Variants in CCDC171 observed in about 807,000 individuals in gnomAD.
The protein encoded by CCDC171 is coiled-coil domain containing 171.
In CCDC171, 177 loss-of-function variants were observed where a neutral mutation model predicts 168.2. The observed-to-expected ratio is 1.05, with a 90% CI of 0.93 to 1.19. CCDC171 has a LOEUF of 1.19. Among genes scored for constraint, CCDC171 ranks in the 50% most tolerant of loss-of-function variants. The probability of loss-of-function intolerance (pLI) is 0.00; values close to 1 mark genes in which losing one functional copy is unlikely to be tolerated. For synonymous variants in CCDC171, 687 were observed against 540.8 expected (o/e 1.27, Z -3.75); for missense variants, 1,991 against 1,539.0 (o/e 1.29, Z -4.91).
chr9:15,573,705 A>T (rs1230081827), intron 3 of CCDC171, among the ~76,000 whole-genome samples: 1 of 152,198 alleles, frequency 6.6e-6, no homozygotes, highest in Non-Finnish European at 1.5e-5. Context: ...TTGTTTTTTT[A>T]AAACCAAATG....
At chr9:16,044,947 AT>A (rs1412199564) in intron 1 of CCDC171, among the ~76,000 whole-genome samples, 1 of 152,178 alleles carries the variant, frequency 6.6e-6, no homozygotes, top group South Asian at 2.1e-4. Flanking sequence ...GCTGAGATTG[AT>A]TCTGCCCAAT....
chr9:15,946,345 C>T (rs1440976558), intron 25 of CCDC171, among the ~76,000 whole-genome samples: 1 of 151,934 alleles, frequency 6.6e-6, no homozygotes, highest in Non-Finnish European at 1.5e-5. Context: ...AATCAATGTG[C>T]AAAAATCACA....
chr9:16,008,319 T>C (rs1041917078), intron 3 of CCDC171, among the ~76,000 whole-genome samples: 1 of 152,170 alleles, frequency 6.6e-6, no homozygotes, highest in Non-Finnish European at 1.5e-5. Flanking sequence ...CCTGCATTGT[T>C]TGTTAAAAAG....
At chr9:15,880,178 T>C (rs556568369) in intron 24 of CCDC171, among the ~76,000 whole-genome samples, 4 of 152,306 alleles carry the variant, frequency 2.6e-5, no homozygotes, top group African/African-American at 9.6e-5. Context: ...TTTTCATTGC[T>C]TTCTAAGTCC....
chr9:15,565,278 T>A (rs2039642746), intron 2 of CCDC171, among the ~76,000 whole-genome samples: 1 of 152,086 alleles, frequency 6.6e-6, no homozygotes, highest in Non-Finnish European at 1.5e-5. Flanking sequence ...ATTTACAAAT[T>A]AGAATATTTC....
At chr9:15,583,288 G>T (rs547365151) in intron 4 of CCDC171, among the ~76,000 whole-genome samples, 1 of 151,798 alleles carries the variant, frequency 6.6e-6, no homozygotes. Flanking sequence ...GGTGGCGCAC[G>T]CCTGTAGTCC....
intron 3 of CCDC171, among the ~76,000 whole-genome samples, chr9:15,985,166 A>G (rs1251983386): frequency 6.6e-6 from 1 of 152,194 alleles, no homozygotes; most frequent in African/African-American, 2.4e-5. Flanking sequence ...CACTGTGTAC[A>G]AAGAGGCACA....
intron 1 of CCDC171, among the ~76,000 whole-genome samples, chr9:16,055,003 G>C (rs1833814170): frequency 6.6e-6 from 1 of 152,220 alleles, no homozygotes. Context: ...TTGGGAAGCT[G>C]CTGCGGTGGC....
rs555714269 is a variant in CCDC171, at chr9:15,918,240, A to T, written c.3601-2030A>T. On this transcript the variant is annotated intron_variant, in intron 24 of 25. Coordinates refer to ENST00000380701, the MANE Select transcript of CCDC171 (RefSeq NM_173550.4). ...AATGAAATTAAGCATGTAATATGCT[A>T]CATGGTCCCTGCACTTCAGTAAATC... Among the ~76,000 whole-genome samples, 5 of 151,858 alleles carry T rather than the reference A, an allele frequency of 3.3e-5. No individual in the cohort carries two copies. The South Asian group carries it at 8.3e-4, about 25-fold the overall frequency.
the CCDC171 span, among the ~76,000 whole-genome samples, chr9:16,098,984 A>G: frequency 9.2e-5 from 14 of 152,224 alleles, no homozygotes; most frequent in Non-Finnish European, 1.0e-4. Flanking sequence ...TAGGATGGAT[A>G]TAATAAGCCC....
rs2038468559 is a variant in CCDC171, at chr9:15,553,071, C to T, written c.-343C>T. 1 of 152,468 alleles carries T rather than the reference C, an allele frequency of 6.6e-6. No homozygotes were observed. The highest frequency in any genetic ancestry group is 2.1e-4 in the South Asian group (1 of 4,836). The allele number at this position is 152,468 out of a possible 1,614,324, so 9.4% of individuals were successfully genotyped here. On this transcript the variant is annotated 5_prime_UTR_variant, in exon 1 of 26. Coordinates refer to ENST00000380701, the MANE Select transcript of CCDC171 (RefSeq NM_173550.4). ...AGTCTGGGAAGGTCTGCGAGAGAAG[C>T]GGAGTGTTTTCAGCTCCGGAAGTGG...
chr9:15,594,067 G>C lies in CCDC171; in HGVS notation c.570G>C (p.Glu190Asp). 1 of 1,592,000 alleles carries C rather than the reference G, an allele frequency of 6.3e-7. No individual in the cohort carries two copies. The highest frequency in any genetic ancestry group is 8.6e-7 in the Non-Finnish European group (1 of 1,166,718). The change falls in exon 6 of 26, where the codon GAG (glutamate) becomes GAC (aspartate). Residue 190 changes from glutamate (E) to aspartate (D), a missense_variant. Coordinates refer to ENST00000380701, the MANE Select transcript of CCDC171 (RefSeq NM_173550.4). ...AAGCGTTGGAAAAACATCAACGGGA[G>C]AAGAATGAGATGGAGTCTCATATCA... ...LQEALEKHQR[E>D]KNEMESHIRE...
In CCDC171 at chr9:15,623,464, T is replaced by TGCGCGC. The variant is rs563722301; in HGVS notation, c.822+58_822+63dup. 6.3e-5 allele frequency: 48 copies of TGCGCGC among 767,450 alleles called. 1 individual carries two copies. The highest frequency in any genetic ancestry group is 5.8e-4 in the African/African-American group (27 of 46,540). The allele number at this position is 767,450 out of a possible 1,614,324, so 47.5% of individuals were successfully genotyped here. On this transcript the variant is annotated intron_variant, in intron 7 of 25. Coordinates refer to ENST00000380701, the MANE Select transcript of CCDC171 (RefSeq NM_173550.4). ...ATATATGCGTACAAACTTTCACATA[T>TGCGCGC]GCGCGCGCGCGCACACACACACACA... is the stretch of plus-strand genomic sequence containing the variant.
At chr9:15,992,891 T>C (rs1342047646) in intron 3 of CCDC171, among the ~76,000 whole-genome samples, 1 of 152,130 alleles carries the variant, frequency 6.6e-6, no homozygotes, top group African/African-American at 2.4e-5. Flanking sequence ...TTACAAGGGA[T>C]GTGAAGGACC....
At chr9:16,072,043 G>T in the CCDC171 span, among the ~76,000 whole-genome samples, 1 of 152,190 alleles carries the variant, frequency 6.6e-6, no homozygotes, top group Non-Finnish European at 1.5e-5. Flanking sequence ...TTGACTGCAA[G>T]AATTCTTGGA....
intron 24 of CCDC171, among the ~76,000 whole-genome samples, chr9:15,890,268 G>T (rs1820017956): frequency 6.6e-6 from 1 of 152,092 alleles, no homozygotes; most frequent in African/African-American, 2.4e-5. Context: ...ATAGATAAAA[G>T]TACCATTGCT....
At chr9:16,030,340 A>G (rs932448480) in intron 6 of CCDC171, among the ~76,000 whole-genome samples, 4 of 152,130 alleles carry the variant, frequency 2.6e-5, no homozygotes, top group African/African-American at 9.7e-5. Context: ...TATGAATGGC[A>G]TATTTGGATG....
chr9:16,038,278 A>G (rs987846075), upstream of CCDC171, among the ~76,000 whole-genome samples: 1 of 152,170 alleles, frequency 6.6e-6, no homozygotes, highest in Non-Finnish European at 1.5e-5. Flanking sequence ...TATTTCAAGT[A>G]GAAGAAAATT....
At chr9:16,005,995 G>T (rs1458697599) in intron 3 of CCDC171, among the ~76,000 whole-genome samples, 1 of 152,066 alleles carries the variant, frequency 6.6e-6, no homozygotes, top group Non-Finnish European at 1.5e-5. Context: ...GAGTGGCTGG[G>T]ACTACAGGCA....
Sources: allele counts gnomAD v4.1 joint callset (sites outside exome capture counted in the v4.1 genomes callset), GRCh38; gene constraint gnomAD v4.1.1; transcripts MANE v1.5; gene names NCBI Gene and HGNC (gene_info 2026-07-23, HGNC 2026-07-21).